The following FTO variants were observed in gnomAD, a reference collection of about 807,000 sequenced individuals.
The protein encoded by FTO is alpha-ketoglutarate-dependent dioxygenase FTO.
A neutral mutation model predicts 63.9 loss-of-function variants in FTO; 47 were observed. The observed-to-expected ratio is 0.74, with a 90% CI of 0.58 to 0.94. The LOEUF (loss-of-function observed/expected upper bound fraction) is 0.94. Among genes scored for constraint, FTO ranks in the 40% least tolerant of loss-of-function variants. The probability of loss-of-function intolerance (pLI) is 0.00; values close to 1 mark genes in which losing one functional copy is unlikely to be tolerated. For synonymous variants in FTO, 207 were observed against 224.4 expected (o/e 0.92, Z 0.69); for missense variants, 562 against 618.1 (o/e 0.91, Z 0.96).
At position 53,925,644 on chromosome 16, in the gene FTO, A is replaced by G. The variant is rs140668585; in HGVS notation, c.1240-8341A>G. On this transcript the variant is annotated intron_variant, in intron 7 of 8. Coordinates refer to ENST00000471389, the MANE Select transcript of FTO (RefSeq NM_001080432.3). ...TGCATCATATCAGAGAGGAACCAAA[A>G]GGATTAAAGACTTGTATAGAATTAT... 3.4e-3 allele frequency among the ~76,000 whole-genome samples: 519 copies of G among 152,270 alleles called. 6 individuals carry two copies. Among genetic ancestry groups the G allele is most frequent in the African/African-American group, 0.011 (471 of 41,546 alleles).
At chr16:53,941,419 T>C (rs2082526260) in intron 8 of FTO, among the ~76,000 whole-genome samples, 1 of 152,242 alleles carries the variant, frequency 6.6e-6, no homozygotes, top group African/African-American at 2.4e-5. Context: ...ACTTATATTT[T>C]GATAGAAGCT....
chr16:54,002,947 C>T (rs1464721602), intron 8 of FTO, among the ~76,000 whole-genome samples: 1 of 152,214 alleles, frequency 6.6e-6, no homozygotes, highest in Non-Finnish European at 1.5e-5. Flanking sequence ...TTGGTGCATC[C>T]TCCCCTGGGG....
intron 1 of FTO, among the ~76,000 whole-genome samples, chr16:53,807,557 G>A (rs2078405561): frequency 2.0e-5 from 3 of 152,096 alleles, no homozygotes; most frequent in Admixed American, 1.3e-4. Flanking sequence ...AATTACTTTT[G>A]GGAATCCATG....
At chr16:54,070,379 T>TA (rs1466733242) in intron 8 of FTO, 1 of 152,178 alleles carries the variant, frequency 6.6e-6, no homozygotes, top group Non-Finnish European at 1.5e-5. Context: ...AATAAATAAA[T>TA]ATATGTATGT....
chr16:53,802,348 G>A (rs1216351830), intron 1 of FTO, among the ~76,000 whole-genome samples: 1 of 151,610 alleles, frequency 6.6e-6, no homozygotes, highest in Non-Finnish European at 1.5e-5. Flanking sequence ...GTCTGCACAT[G>A]TTTGGTATAG....
intron 8 of FTO, among the ~76,000 whole-genome samples, chr16:53,970,670 T>C (rs554478942): frequency 6.6e-6 from 1 of 151,840 alleles, no homozygotes; most frequent in African/African-American, 2.4e-5. Flanking sequence ...TGGGCACTTA[T>C]GCTGTCTACA....
rs150017566 is a variant in FTO, at chr16:54,081,987, C to T, written c.1365-29775C>T. On this transcript the variant is annotated intron_variant, in intron 8 of 8. Transcript: ENST00000471389. ...ATTGGGGACAGAGCAGAGATACAGC[C>T]TGATTTTCCTCAGCATCTACCGCCC... 5.9e-5 allele frequency among the ~76,000 whole-genome samples: 9 copies of T among 152,272 alleles called. No individual in the cohort carries two copies. The East Asian group carries it at 1.7e-3, about 29-fold the overall frequency.
intron 8 of FTO, among the ~76,000 whole-genome samples, chr16:53,969,542 A>G (rs74515101): frequency 6.6e-5 from 10 of 152,284 alleles, no homozygotes; most frequent in Non-Finnish European, 1.2e-4. Flanking sequence ...ATATACTGTC[A>G]TTGGTAGTTT....
At chr16:54,022,802 C>A (rs1176582242) in intron 8 of FTO, among the ~76,000 whole-genome samples, 1 of 152,168 alleles carries the variant, frequency 6.6e-6, no homozygotes, top group East Asian at 1.9e-4. Context: ...ATAATTGCAA[C>A]GAATTGTAAT....
intron 8 of FTO, among the ~76,000 whole-genome samples, chr16:54,058,886 T>G (rs1285007528): frequency 1.2e-4 from 18 of 151,620 alleles, no homozygotes; most frequent in Admixed American, 1.2e-3. Flanking sequence ...TGGTGGTGGT[T>G]GTTTTAAATA....
At chr16:53,839,858 G>T (rs2079422091) in intron 3 of FTO, among the ~76,000 whole-genome samples, 1 of 151,202 alleles carries the variant, frequency 6.6e-6, no homozygotes, top group African/African-American at 2.4e-5. Flanking sequence ...AGGCTGGAGT[G>T]CAGTGGCGCG....
chr16:53,876,250 G>T (rs1245583342), intron 5 of FTO, among the ~76,000 whole-genome samples: 2 of 152,102 alleles, frequency 1.3e-5, no homozygotes, highest in African/African-American at 4.8e-5. Flanking sequence ...AAGTAAAAAT[G>T]TATGTAATTT....
intron 6 of FTO, among the ~76,000 whole-genome samples, chr16:53,887,407 CT>C (rs2081028559): frequency 6.6e-6 from 1 of 152,148 alleles, no homozygotes; most frequent in Admixed American, 6.5e-5. Context: ...TATTCCACCC[CT>C]GGCATTGGAG....
At chr16:54,068,617 C>A (rs79291440) in intron 8 of FTO, among the ~76,000 whole-genome samples, 113 of 152,308 alleles carry the variant, frequency 7.4e-4, no homozygotes, top group African/African-American at 2.6e-3. Flanking sequence ...AAATAGCCTC[C>A]TCCATTTTCA....
Position 53,888,926 on chromosome 16 carries a change from C to T in FTO, c.1214C>T (p.Ala405Val), listed in dbSNP as rs16952624. ...TGTCAACCCATGGCTCAACTGGAAG[C>T]ACTGTGGAAGAAGATGGAGGGTGTG... Reference protein sequence around the residue: ...WWCQPMAQLEALWKKMEGVTN... With the variant: ...WWCQPMAQLEVLWKKMEGVTN... The change falls in exon 7 of 9, where the codon GCA becomes GTA. Residue 405 changes from alanine to valine, a missense_variant. Ala to Val is a moderately conservative substitution (Grantham distance 64). Transcript: ENST00000471389. 1.6e-3 allele frequency: 2,654 copies of T among 1,614,068 alleles called. 39 individuals carry two copies. The African/African-American group carries it at 0.031, about 19-fold the overall frequency.
At chr16:54,033,783 T>C (rs2084882137) in intron 8 of FTO, among the ~76,000 whole-genome samples, 1 of 152,156 alleles carries the variant, frequency 6.6e-6, no homozygotes, top group African/African-American at 2.4e-5. Context: ...TGCCATGTAC[T>C]CCAGGCTGGG....
intron 8 of FTO, among the ~76,000 whole-genome samples, chr16:54,001,751 A>G (rs2143998230): frequency 6.6e-6 from 1 of 152,282 alleles, no homozygotes; most frequent in South Asian, 2.1e-4. Context: ...GGTCTCTGAA[A>G]TGGTCAGAAT....
chr16:53,999,803 T>C (rs748589510), intron 8 of FTO: 15 of 152,238 alleles, frequency 9.9e-5, no homozygotes, highest in African/African-American at 3.1e-4. Context: ...GAGGATATCA[T>C]TAATTTGCTA....
chr16:53,936,488 T>A (rs1178249015), intron 8 of FTO, among the ~76,000 whole-genome samples: 1 of 152,206 alleles, frequency 6.6e-6, no homozygotes, highest in Non-Finnish European at 1.5e-5. Flanking sequence ...CATCAAAGTG[T>A]CATCTGGCTG....
Sources: allele counts gnomAD v4.1 joint callset (sites outside exome capture counted in the v4.1 genomes callset), GRCh38; gene constraint gnomAD v4.1.1; transcripts MANE v1.5; gene names NCBI Gene and HGNC (gene_info 2026-07-23, HGNC 2026-07-21).